The following AMACR variants were observed in gnomAD, a reference collection of about 807,000 sequenced individuals.
AMACR encodes the protein alpha-methylacyl-CoA racemase, also known as 2-methylacyl-CoA racemase.
In AMACR, 18 loss-of-function variants were observed where a neutral mutation model predicts 22.2. The observed-to-expected ratio is 0.81, with a 90% CI of 0.56 to 1.20. AMACR has a LOEUF of 1.20. Ranked by LOEUF, AMACR falls within the 50% of genes most tolerant of loss-of-function variation. The pLI, the probability that AMACR is intolerant of heterozygous loss-of-function variation, is 0.00. For missense variants in AMACR, 499 were observed against 490.6 expected, an observed-to-expected ratio of 1.02 and a Z score of -0.16; for synonymous variants, 213 against 191.3, an observed-to-expected ratio of 1.11 and a Z score of -0.94.
At chr5:33,994,487 T>C (rs1398013965) in intron 4 of AMACR, among the ~76,000 whole-genome samples, 1 of 152,132 alleles carries the variant, frequency 6.6e-6, no homozygotes, top group Non-Finnish European at 1.5e-5. Flanking sequence ...CCTCAAAAAA[T>C]TACTACAGAT....
In AMACR at chr5:34,007,937, C is replaced by T. The variant is rs762868209; in HGVS notation, c.83G>A (p.Gly28Glu). 1.2e-6 allele frequency: 2 copies of T among 1,610,694 alleles called. No homozygotes were observed. Among genetic ancestry groups the T allele is most frequent in the African/African-American group, 1.3e-5 (1 of 74,908 alleles). The change falls in exon 1 of 5, where the codon GGG becomes GAG. Residue 28 changes from glycine (G) to glutamate (E), a missense_variant. Physicochemically the swap from Gly to Glu is moderately conservative, Grantham distance 98. Transcript: ENST00000335606. ...CCGGTCCACGCGTACCACACGCGCC[C>T]CGAAGTCAGCCAGGACCATAGCACA... ...PFCAMVLADF[G>E]ARVVRVDRPG...
intron 4 of AMACR, among the ~76,000 whole-genome samples, chr5:33,995,704 A>G (rs142262852): frequency 1.1e-3 from 165 of 152,350 alleles, no homozygotes; most frequent in African/African-American, 3.8e-3. Flanking sequence ...TTAAAATAAC[A>G]GGATACACCA....
At chr5:34,007,552 C>G (rs912346548) in intron 1 of AMACR, among the ~76,000 whole-genome samples, 6 of 152,150 alleles carry the variant, frequency 3.9e-5, no homozygotes, top group Admixed American at 1.3e-4. Flanking sequence ...AAAGGAGAAA[C>G]CGGGCAACAG....
chr5:34,007,191 C>T (rs1046624128), intron 1 of AMACR, among the ~76,000 whole-genome samples: 1 of 152,212 alleles, frequency 6.6e-6, no homozygotes, highest in African/African-American at 2.4e-5. Flanking sequence ...GCCTTGACGG[C>T]GATGCCCAGG....
At chr5:33,998,289 G>C (rs16892121) in intron 4 of AMACR, among the ~76,000 whole-genome samples, 3,615 of 152,276 alleles carry the variant, frequency 0.024, 150 homozygotes, top group African/African-American at 0.083. Flanking sequence ...GGAGCTGGTA[G>C]AATATTGAAT....
At chr5:33,997,751 A>G (rs1375263131) in intron 4 of AMACR, 2 of 546,426 alleles carry the variant, frequency 3.7e-6, no homozygotes, top group Non-Finnish European at 6.5e-6. Context: ...ACTATATTTG[A>G]ATAGGTGAAG....
rs748131178 is a variant in AMACR at position 34,004,703 on chromosome 5, C to G, written c.423G>C (p.Glu141Asp). The change falls in exon 3 of 5, where the codon GAG becomes GAC. Residue 141 changes from glutamate to aspartate, a missense_variant. By Grantham distance (45) the Glu-to-Asp change is conservative (BLOSUM62 2). Coordinates refer to ENST00000335606, the MANE Select transcript of AMACR (RefSeq NM_014324.6). ...GGAGATTCAGCGGGGCATACGGATT[C>G]TCACCACTTCTGCCAATTTTTGAGA... Reference protein sequence around the residue: ...GVLSKIGRSGENPYAPLNLLA... With the variant: ...GVLSKIGRSGDNPYAPLNLLA... 8.7e-6 allele frequency: 14 copies of G among 1,614,100 alleles called. No homozygotes were observed. The highest frequency in any genetic ancestry group is 1.2e-5 in the Non-Finnish European group (14 of 1,180,052).
intron 2 of AMACR, among the ~76,000 whole-genome samples, chr5:34,005,066 A>T (rs1288763371): frequency 6.6e-6 from 1 of 152,256 alleles, no homozygotes; most frequent in Non-Finnish European, 1.5e-5. Context: ...CATTCTTAGC[A>T]TAAAGAAATG....
chr5:33,992,177 C>A (rs1205729547), intron 4 of AMACR, among the ~76,000 whole-genome samples: 1 of 151,730 alleles, frequency 6.6e-6, no homozygotes, highest in East Asian at 1.9e-4. Context: ...CCACACCCGG[C>A]CATAAAAATT....
intron 3 of AMACR, among the ~76,000 whole-genome samples, chr5:34,003,946 C>T (rs1753893224): frequency 1.3e-5 from 2 of 152,216 alleles, no homozygotes; most frequent in Admixed American, 6.5e-5. Context: ...AATGGCAATG[C>T]TTCCGTTCCC....
rs200253417 is a variant in AMACR at position 33,998,777 on chromosome 5, C to T, written c.603G>A (p.Leu201=). ...GTCCTCGAGGTGCTTCCCACAGACT[C>T]AATTTCTGAGTTTTCCACAGAAAAG... ...LSSFLWKTQK[L]SLWEAPRGQN... The change falls in exon 4 of 5, where the codon TTG becomes TTA. Residue 201 remains leucine (L), a synonymous_variant. Coordinates refer to ENST00000335606, the MANE Select transcript of AMACR (RefSeq NM_014324.6). The T allele has an allele frequency of 3.3e-4, 534 of 1,614,050 alleles. 4 individuals carry two copies. The highest frequency in any genetic ancestry group is 1.4e-4 in the Non-Finnish European group (161 of 1,180,014).
chr5:33,994,775 A>C (rs897934541), intron 4 of AMACR, among the ~76,000 whole-genome samples: 1 of 152,098 alleles, frequency 6.6e-6, no homozygotes, highest in Non-Finnish European at 1.5e-5. Context: ...AAATCAGGGG[A>C]GTTACAAAGT....
Position 34,004,750 on chromosome 5 carries a change from CAAATTTAATGTCTCTTTT to C in AMACR, c.392-34_392-17del, listed in dbSNP as rs2112070189. 1 of 1,613,242 alleles carries C rather than the reference CAAATTTAATGTCTCTTTT, an allele frequency of 6.2e-7. No individual in the cohort carries two copies. The highest frequency in any genetic ancestry group is 8.5e-7 in the Non-Finnish European group (1 of 1,179,254). The stretch of plus-strand genomic sequence containing the variant: ...GAGAGAACACCTACATCATTAAAAA[CAAATTTAATGTCTCTTTT>C]AAATTTAATCTCTTCTTAAAATAAA... On this transcript the variant is annotated splice_polypyrimidine_tract_variant and intron_variant, in intron 2 of 4. Coordinates refer to ENST00000335606, the MANE Select transcript of AMACR (RefSeq NM_014324.6).
At chr5:34,004,799 G>A in intron 2 of AMACR, 65 bp from the exon 3 acceptor site, 2 of 1,518,626 alleles carry the variant, frequency 1.3e-6, no homozygotes, top group Non-Finnish European at 1.8e-6. Context: ...ATAAATATGT[G>A]AGCATCTTAG....
At chr5:33,989,689 T>C (rs964174790) in intron 4 of AMACR, among the ~76,000 whole-genome samples, 187 bp from the exon 5 acceptor site, 3 of 152,156 alleles carry the variant, frequency 2.0e-5, no homozygotes, top group Admixed American at 6.5e-5. Flanking sequence ...AGGGCAGAGG[T>C]AGTCAGACTT....
In AMACR at chr5:33,988,587, A is replaced by G. The variant is rs994753946; in HGVS notation, c.*506T>C. Reference sequence around the variant, plus strand: ...TTTTCTTTGCAAATTACAAAGTGTGATAACTGTTGCTAAAGTTTGGAATGT... The same window carrying G: ...TTTTCTTTGCAAATTACAAAGTGTGGTAACTGTTGCTAAAGTTTGGAATGT... On this transcript the variant is annotated 3_prime_UTR_variant, in exon 5 of 5. Coordinates refer to ENST00000335606, the MANE Select transcript of AMACR (RefSeq NM_014324.6). 46 of 1,339,140 alleles carry G rather than the reference A, an allele frequency of 3.4e-5. No individual in the cohort carries two copies. In the Admixed American group the frequency reaches 7.9e-4, roughly 23 times the overall value. 83.0% of individuals were successfully genotyped at this position (1,339,140 alleles called of 1,614,324 possible).
At chr5:34,001,815 C>T (rs1753826864) in intron 3 of AMACR, among the ~76,000 whole-genome samples, 1 of 152,146 alleles carries the variant, frequency 6.6e-6, no homozygotes, top group Admixed American at 6.5e-5. Context: ...TCTGCCTTCC[C>T]CTAATCAGCT....
chr5:34,000,311 T>A (rs898311311), intron 3 of AMACR, among the ~76,000 whole-genome samples: 4 of 152,218 alleles, frequency 2.6e-5, no homozygotes, highest in African/African-American at 9.6e-5. Flanking sequence ...AGCAAGCTTG[T>A]CATACAGTGC....
chr5:34,001,435 G>A (rs372181970), intron 3 of AMACR, among the ~76,000 whole-genome samples: 1 of 152,204 alleles, frequency 6.6e-6, no homozygotes, highest in South Asian at 2.1e-4. Flanking sequence ...ACAGCTGGCC[G>A]CCTGTGATTA....
Sources: allele counts gnomAD v4.1 joint callset (sites outside exome capture counted in the v4.1 genomes callset), GRCh38; gene constraint gnomAD v4.1.1; transcripts MANE v1.5; gene names NCBI Gene and HGNC (gene_info 2026-07-23, HGNC 2026-07-21).